The following ZNF846 variants were observed in gnomAD, a reference collection of about 807,000 sequenced individuals.
The protein encoded by ZNF846 is zinc finger protein 420 pseudogene.
ZNF846 carries 15 observed loss-of-function variants against 16.0 expected under a neutral mutation model. The ratio of observed to expected loss-of-function variants is 0.94; its 90% confidence interval spans 0.63 to 1.45. The LOEUF is 1.45. Ranked by LOEUF, ZNF846 falls within the 40% of genes most tolerant of loss-of-function variation. The pLI is 0.00. For missense variants in ZNF846, 714 were observed against 622.3 expected, an observed-to-expected ratio of 1.15 and a Z score of -1.57; for synonymous variants, 229 against 212.0, an observed-to-expected ratio of 1.08 and a Z score of -0.70.
At chr19:9,759,921 G>A (rs767208432) in exon 5 of ZNF846, 2 of 1,612,924 alleles carry the variant, frequency 1.2e-6, no homozygotes, top group Non-Finnish European at 1.7e-6. Flanking sequence ...GGAGCCTTTG[G>A]TTTTGAGTTG....
downstream of ZNF846, chr19:9,756,396 C>A (rs2045137950): frequency 8.8e-6 from 1 of 113,094 alleles, no homozygotes; most frequent in Non-Finnish European, 1.7e-5. Flanking sequence ...AAGACATTCC[C>A]ATATTTCTAA....
intron 1 of ZNF846, among the ~76,000 whole-genome samples, chr19:9,765,319 G>A (rs2045297537): frequency 6.6e-6 from 1 of 152,068 alleles, no homozygotes; most frequent in African/African-American, 2.4e-5. Flanking sequence ...AGATTGCGGT[G>A]AGCCGACACC....
chr19:9,774,743 G>C (rs2045420490), intron 1 of ZNF846: 1 of 1,557,582 alleles, frequency 6.4e-7, no homozygotes, highest in African/African-American at 1.4e-5. Flanking sequence ...CGACGAAAAG[G>C]GGCAGGTCTG....
downstream of ZNF846, among the ~76,000 whole-genome samples, chr19:9,753,124 G>A (rs1261766743): frequency 6.6e-6 from 1 of 151,570 alleles, no homozygotes; most frequent in Non-Finnish European, 1.5e-5. Flanking sequence ...CCATTCTGCA[G>A]AGCCCTCATG....
intron 5 of ZNF846, among the ~76,000 whole-genome samples, chr19:9,759,089 C>T (rs2045181349): frequency 6.6e-6 from 1 of 151,790 alleles, no homozygotes. Flanking sequence ...ATCTCTGCCT[C>T]CCAGTTCAAG....
At chr19:9,773,241 T>TA (rs2045403801), upstream of ZNF846, among the ~76,000 whole-genome samples, 1 of 152,176 alleles carries the variant, frequency 6.6e-6, no homozygotes, top group Non-Finnish European at 1.5e-5. Flanking sequence ...TTGTGCAGGC[T>TA]GGATCAAACT....
At chr19:9,756,345 G>GTGTATATATATATATATATA (rs1321690890), downstream of ZNF846, 7 of 81,776 alleles carry the variant, frequency 8.6e-5, no homozygotes, top group African/African-American at 3.1e-4. Flanking sequence ...GTGTGTGTGT[G>GTGTATATATATATATATATA]TATATATATA....
At chr19:9,779,631 C>G (rs544936152) in intron 1 of ZNF846, among the ~76,000 whole-genome samples, 1 of 150,668 alleles carries the variant, frequency 6.6e-6, no homozygotes, top group African/African-American at 2.4e-5. Context: ...AGTGTAATGG[C>G]GTGATCTCAG....
At chr19:9,778,789 G>C (rs1380121086) in intron 1 of ZNF846, among the ~76,000 whole-genome samples, 2 of 131,438 alleles carry the variant, frequency 1.5e-5, no homozygotes, top group African/African-American at 2.9e-5. Context: ...GGCAACAAGA[G>C]CGAAAACTCG....
At chr19:9,758,303 T>C in exon 6 of ZNF846, 1 of 1,613,524 alleles carries the variant, frequency 6.2e-7, no homozygotes, top group South Asian at 1.1e-5. Context: ...CTTTACCACA[T>C]TCTTTACAGA....
chr19:9,754,921 AATG>A (rs1298254264), downstream of ZNF846, among the ~76,000 whole-genome samples: 1 of 150,824 alleles, frequency 6.6e-6, no homozygotes, highest in Non-Finnish European at 1.5e-5. Context: ...GCTGGAGTCC[AATG>A]GTGCGATTTC....
At chr19:9,765,806 T>C (rs549930612) in intron 1 of ZNF846, among the ~76,000 whole-genome samples, 77 of 151,576 alleles carry the variant, frequency 5.1e-4, no homozygotes, top group African/African-American at 1.8e-3. Context: ...GGGTGGCTCA[T>C]GCCTGTAATC....
chr19:9,762,201 A>G (rs1389196727), intron 3 of ZNF846, 33 bp from the exon 4 acceptor site: 3 of 1,551,386 alleles, frequency 1.9e-6, no homozygotes, highest in Middle Eastern at 1.7e-4. Flanking sequence ...GAAGAGGCCC[A>G]TGCAAGACAT....
At chr19:9,767,852 T>A (rs996820900) in intron 1 of ZNF846, among the ~76,000 whole-genome samples, 3 of 152,040 alleles carry the variant, frequency 2.0e-5, no homozygotes, top group Non-Finnish European at 4.4e-5. Context: ...GAGAATCGCT[T>A]GGACCGGGAG....
At chr19:9,775,300 C>T (rs568543426) in intron 1 of ZNF846, among the ~76,000 whole-genome samples, 3 of 151,862 alleles carry the variant, frequency 2.0e-5, no homozygotes, top group Non-Finnish European at 2.9e-5. Context: ...GGAGCACAAA[C>T]GTCTGATAAT....
At chr19:9,767,836 A>T (rs547319521) in intron 1 of ZNF846, among the ~76,000 whole-genome samples, 1 of 152,276 alleles carries the variant, frequency 6.6e-6, no homozygotes, top group East Asian at 1.9e-4. Context: ...CAGCATGCTG[A>T]GGCAGGAGAA....
chr19:9,764,539 TC>T lies in ZNF846; in HGVS notation c.15+396del, dbSNP rs561507214. Among the ~76,000 whole-genome samples, 951 of 152,274 alleles carry T rather than the reference TC, an allele frequency of 6.2e-3. 7 individuals are homozygous for T. The highest frequency in any genetic ancestry group is 0.022 in the African/African-American group (906 of 41,550). On this transcript the variant is annotated intron_variant, in intron 2 of 5. Coordinates refer to ENST00000397902, the Ensembl canonical transcript of ZNF846. ...CACCTCATAATCAAATGACCCTAAATCCCTCACTAACCTACCCCCGCCCTCA... is the reference window on the plus strand; with the variant it reads ...CACCTCATAATCAAATGACCCTAAATCCTCACTAACCTACCCCCGCCCTCA...
At chr19:9,761,925 A>T (rs1162836460) in intron 4 of ZNF846, among the ~76,000 whole-genome samples, 157 bp downstream of exon 4, 1 of 152,154 alleles carries the variant, frequency 6.6e-6, no homozygotes, top group Non-Finnish European at 1.5e-5. Context: ...TTTAAAGATG[A>T]GGGGAGTTGA....
At chr19:9,774,029 A>T (rs530165168) in intron 1 of ZNF846, among the ~76,000 whole-genome samples, 1 of 152,374 alleles carries the variant, frequency 6.6e-6, no homozygotes, top group South Asian at 2.1e-4. Context: ...TTATCAAAAA[A>T]TGTGTAAAAC....
Sources: gnomAD v4.1 joint callset for allele counts (sites outside exome capture counted in the v4.1 genomes callset) on GRCh38, gnomAD v4.1.1 for gene constraint, MANE v1.5 for transcripts, NCBI Gene and HGNC (gene_info 2026-07-23, HGNC 2026-07-21) for gene names.